Variants in N4BP2 observed in about 807,000 individuals in gnomAD.
N4BP2 encodes NEDD4 binding protein 2.
Under a neutral mutation model 152.8 loss-of-function variants are expected in N4BP2, and 91 were observed. The observed-to-expected ratio is 0.60, with a 90% CI of 0.50 to 0.71. N4BP2 has a LOEUF of 0.71. Ranked by LOEUF, N4BP2 falls within the 30% of genes least tolerant of loss-of-function variation. The pLI, the probability that N4BP2 is intolerant of heterozygous loss-of-function variation, is 0.00. For missense variants in N4BP2, 1,923 were observed against 2,059.1 expected (o/e 0.93, Z 1.28); for synonymous variants, 646 against 705.3 (o/e 0.92, Z 1.33).
At chr4:40,176,107 GAGAA>G in the N4BP2 span, among the ~76,000 whole-genome samples, 11 of 146,576 alleles carry the variant, frequency 7.5e-5, no homozygotes, top group South Asian at 2.1e-4. Flanking sequence ...AAAAAAAAAA[GAGAA>G]AGAAAAAAAA....
the N4BP2 span, among the ~76,000 whole-genome samples, chr4:40,171,944 C>G: frequency 5.3e-5 from 8 of 152,152 alleles, no homozygotes; most frequent in Non-Finnish European, 8.8e-5. Flanking sequence ...CTCACTCTGT[C>G]GCTCAGGCTG....
At chr4:40,087,210 C>T (rs1047282791) in intron 2 of N4BP2, among the ~76,000 whole-genome samples, 8 of 152,020 alleles carry the variant, frequency 5.3e-5, no homozygotes, top group Admixed American at 3.9e-4. Context: ...ACCCCTTCCT[C>T]CTTGCCCCTT....
At chr4:40,133,081 T>G (rs1298261380) in intron 13 of N4BP2, among the ~76,000 whole-genome samples, 1 of 152,164 alleles carries the variant, frequency 6.6e-6, no homozygotes, top group Non-Finnish European at 1.5e-5. Flanking sequence ...GGCTTGTACC[T>G]TCTCAGAGAG....
In N4BP2 at chr4:40,121,212, G is replaced by A. The variant is rs751644370; in HGVS notation, c.3101G>A (p.Ser1034Asn). 1 of 1,613,956 alleles carries A rather than the reference G, an allele frequency of 6.2e-7. No individual in the cohort carries two copies. The highest frequency in any genetic ancestry group is 1.1e-5 in the South Asian group (1 of 91,068). Residue 1034 changes from serine (S) to asparagine (N), a missense_variant, in exon 9 of 18, where the codon AGC becomes AAC. Ser to Asn is a conservative substitution (Grantham distance 46, BLOSUM62 1). Transcript: ENST00000261435. ...TGGAAAATAGAAAAGAATAAAATTA[G>A]CATTTCAGATTCTATCAAAGTATTA... is the stretch of plus-strand genomic sequence containing the variant. ...LLWKIEKNKI[S>N]ISDSIKVLTG...
At chr4:40,076,373 G>A (rs192597637) in intron 2 of N4BP2, among the ~76,000 whole-genome samples, 133 of 152,170 alleles carry the variant, frequency 8.7e-4, no homozygotes, top group African/African-American at 3.1e-3. Context: ...CTATTCGGGA[G>A]GCTGAGGTAG....
At chr4:40,137,467 G>A (rs1719512406) in intron 14 of N4BP2, among the ~76,000 whole-genome samples, 1 of 152,120 alleles carries the variant, frequency 6.6e-6, no homozygotes, top group Admixed American at 6.5e-5. Flanking sequence ...ATTTCCACTA[G>A]AACAGTATGA....
intron 2 of N4BP2, among the ~76,000 whole-genome samples, chr4:40,083,807 A>G (rs113911852): frequency 1.7e-3 from 262 of 152,284 alleles, no homozygotes; most frequent in African/African-American, 5.9e-3. Context: ...TACACTTTTG[A>G]AATGGTGAAT....
Position 40,155,401 on chromosome 4 carries a change from AAAAAAAAAG to A in N4BP2, c.*1175_*1183del, listed in dbSNP as rs918314854. The A allele has an allele frequency of 5.2e-5, 4 of 76,380 alleles. No homozygotes were observed. Among genetic ancestry groups the A allele is most frequent in the East Asian group, 5.1e-4 (1 of 1,970 alleles). The allele number at this position is 76,380 out of a possible 1,614,324, so 4.7% of individuals were successfully genotyped here. ...GACAGAGCAAGACTCCGTCTCCAAAAAAAAAAAAGAAAAAAAAGAGAAAATATTTTGGTT... is the reference window on the plus strand; with the variant it reads ...GACAGAGCAAGACTCCGTCTCCAAAAAAAAAAAAGAGAAAATATTTTGGTT... On this transcript the variant is annotated 3_prime_UTR_variant, in exon 18 of 18. Transcript: ENST00000261435.
rs1338233932 is a variant in N4BP2, at chr4:40,149,492, T to TAC, written c.5144-3288_5144-3287insAC. ...TGTGAAATGATGGAATGTTCTGGAA[T>TAC]TAGTGGTGGTGGTTGCACAACATGA... On this transcript the variant is annotated intron_variant, in intron 16 of 17. Transcript: ENST00000261435. 3.9e-5 allele frequency among the ~76,000 whole-genome samples: 6 copies of TAC among 152,124 alleles called. No homozygotes were observed. The East Asian group carries it at 1.2e-3, about 29-fold the overall frequency.
intron 3 of N4BP2, among the ~76,000 whole-genome samples, chr4:40,098,969 T>G (rs923245732): frequency 2.0e-5 from 3 of 152,254 alleles, no homozygotes; most frequent in Admixed American, 6.5e-5. Flanking sequence ...TCTACTGAGT[T>G]GTGCTGTAGT....
chr4:40,109,349 C>T (rs1481704325), intron 5 of N4BP2, among the ~76,000 whole-genome samples: 2 of 151,926 alleles, frequency 1.3e-5, no homozygotes, highest in Non-Finnish European at 2.9e-5. Context: ...TTTCCAAGGC[C>T]CAGTGTCCCC....
rs1717850997 is a variant in N4BP2 at position 40,121,007 on chromosome 4, A to G, written c.2896A>G (p.Lys966Glu). 1 of 1,614,152 alleles carries G rather than the reference A, an allele frequency of 6.2e-7. No individual in the cohort carries two copies. The highest frequency in any genetic ancestry group is 8.5e-7 in the Non-Finnish European group (1 of 1,180,028). Residue 966 changes from lysine (K) to glutamate (E), a missense_variant, in exon 9 of 18, where the codon AAA becomes GAA. Physicochemically the swap from Lys to Glu is moderately conservative, Grantham distance 56. Transcript: ENST00000261435. ...CTGTGAGAGTCAGACTTGTCTAAGT[A>G]AAAAGAGTCATGGGCAACACACATC... is the stretch of plus-strand genomic sequence containing the variant. Reference protein sequence around the residue: ...MTCESQTCLSKKSHGQHTSLP... With the variant: ...MTCESQTCLSEKSHGQHTSLP...
At chr4:40,146,755 T>A (rs1720554885) in intron 16 of N4BP2, among the ~76,000 whole-genome samples, 1 of 152,136 alleles carries the variant, frequency 6.6e-6, no homozygotes, top group South Asian at 2.1e-4. Context: ...TGCTACACAT[T>A]AGCTCAGCAG....
At chr4:40,143,999 C>T (rs769458729) in intron 15 of N4BP2, among the ~76,000 whole-genome samples, 6 of 151,932 alleles carry the variant, frequency 3.9e-5, no homozygotes, top group Non-Finnish European at 5.9e-5. Flanking sequence ...GTAGCGCAGT[C>T]GAAGTTCAAA....
At chr4:40,184,913 G>GT in the N4BP2 span, among the ~76,000 whole-genome samples, 180 of 151,998 alleles carry the variant, frequency 1.2e-3, no homozygotes, top group African/African-American at 4.1e-3. Context: ...CCGACATTGC[G>GT]CCACTGCACT....
In N4BP2 at chr4:40,115,951, T is replaced by G. The variant is rs911564858; in HGVS notation, c.1665-1918T>G. On this transcript the variant is annotated intron_variant, in intron 7 of 17. Transcript: ENST00000261435. ...TTCTCCTTATAATTCTGCCTATGTT[T>G]GCTTTACATATTTGGAGGGTAGTTT... Among the ~76,000 whole-genome samples, 3 of 152,212 alleles carry G rather than the reference T, an allele frequency of 2.0e-5. No homozygotes were observed. In the South Asian group the frequency reaches 6.2e-4, roughly 31 times the overall value.
At chr4:40,141,635 C>G (rs1290547327) in intron 14 of N4BP2, among the ~76,000 whole-genome samples, 31 of 147,688 alleles carry the variant, frequency 2.1e-4, no homozygotes, top group Admixed American at 2.1e-3. Flanking sequence ...TCCTCACGTC[C>G]CAGATGATGG....
chr4:40,163,478 G>A, the N4BP2 span, among the ~76,000 whole-genome samples: 1 of 152,230 alleles, frequency 6.6e-6, no homozygotes, highest in Non-Finnish European at 1.5e-5. Context: ...TTAGTTGGAG[G>A]ATGGATATAT....
chr4:40,097,869 C>T (rs1325675806), intron 3 of N4BP2, among the ~76,000 whole-genome samples: 1 of 152,130 alleles, frequency 6.6e-6, no homozygotes. Flanking sequence ...ACACTTCAGG[C>T]TACATAATCC....
Sources: allele counts gnomAD v4.1 joint callset (sites outside exome capture counted in the v4.1 genomes callset), GRCh38; gene constraint gnomAD v4.1.1; transcripts MANE v1.5; gene names NCBI Gene and HGNC (gene_info 2026-07-23, HGNC 2026-07-21).